LRRTM4: variants seen among roughly 807,000 people sequenced by gnomAD.
LRRTM4 encodes the protein leucine rich repeat transmembrane neuronal 4.
A neutral mutation model predicts 47.6 loss-of-function variants in LRRTM4; 25 were observed. The ratio of observed to expected loss-of-function variants is 0.53; its 90% CI spans 0.38 to 0.73. The LOEUF (loss-of-function observed/expected upper bound fraction) is 0.73, where lower values mean the gene tolerates loss of function less well. LRRTM4 is among the 30% of genes least tolerant of loss of function. The probability of loss-of-function intolerance (pLI) is 0.00; values close to 1 mark genes in which losing one functional copy is unlikely to be tolerated. For synonymous variants in LRRTM4, 311 were observed against 269.5 expected (o/e 1.15, Z -1.51); for missense variants, 638 against 713.4 (o/e 0.89, Z 1.20).
intron 3 of LRRTM4, among the ~76,000 whole-genome samples, chr2:77,337,175 T>C (rs559968455): frequency 6.6e-6 from 1 of 152,120 alleles, no homozygotes; most frequent in African/African-American, 2.4e-5. Context: ...GAGGTGAAAG[T>C]TATCTTCGAA....
chr2:77,238,264 C>T (rs1443792691), intron 3 of LRRTM4, among the ~76,000 whole-genome samples: 5 of 151,860 alleles, frequency 3.3e-5, no homozygotes, highest in African/African-American at 7.3e-5. Flanking sequence ...CTCTAATATA[C>T]AAATAAAATG....
chr2:76,987,310 T>G (rs1279442751), intron 3 of LRRTM4: 1 of 147,774 alleles, frequency 6.8e-6, no homozygotes, highest in East Asian at 2.0e-4. Context: ...AAGTGCACAC[T>G]TTTCAGGATT....
intron 3 of LRRTM4, among the ~76,000 whole-genome samples, chr2:77,360,790 A>G (rs1021647034): frequency 6.6e-6 from 1 of 152,172 alleles, no homozygotes; most frequent in African/African-American, 2.4e-5. Context: ...AATTTTTAAT[A>G]GTCACTATTG....
At chr2:77,185,496 T>C (rs905655503) in intron 3 of LRRTM4, among the ~76,000 whole-genome samples, 1 of 152,078 alleles carries the variant, frequency 6.6e-6, no homozygotes, top group African/African-American at 2.4e-5. Flanking sequence ...AGAGTATAAT[T>C]TATATTTTAC....
At chr2:76,817,945 T>G (rs2103847836) in intron 3 of LRRTM4, among the ~76,000 whole-genome samples, 1 of 152,040 alleles carries the variant, frequency 6.6e-6, no homozygotes, top group South Asian at 2.1e-4. Context: ...TCATATAAGA[T>G]AATCATGTTG....
chr2:77,009,752 A>C (rs1243997100), intron 3 of LRRTM4: 1 of 152,098 alleles, frequency 6.6e-6, no homozygotes, highest in Non-Finnish European at 1.5e-5. Flanking sequence ...TATTTGTTGT[A>C]CTAAGCACAC....
At chr2:77,158,157 C>T (rs1175052314) in intron 3 of LRRTM4, among the ~76,000 whole-genome samples, 1 of 152,088 alleles carries the variant, frequency 6.6e-6, no homozygotes, top group African/African-American at 2.4e-5. Flanking sequence ...TGGCCAACTT[C>T]TCTCTCGAAC....
At chr2:76,893,220 A>C (rs1376732127) in intron 3 of LRRTM4, among the ~76,000 whole-genome samples, 1 of 151,662 alleles carries the variant, frequency 6.6e-6, no homozygotes, top group Non-Finnish European at 1.5e-5. Flanking sequence ...AGATGCTCAC[A>C]CTTGATCTTT....
chr2:77,269,940 C>A (rs985398112), intron 3 of LRRTM4, among the ~76,000 whole-genome samples: 2 of 152,218 alleles, frequency 1.3e-5, no homozygotes, highest in Non-Finnish European at 2.9e-5. Context: ...GTAACATAGG[C>A]ACTTTCATGG....
intron 3 of LRRTM4, among the ~76,000 whole-genome samples, chr2:77,327,147 C>T (rs1028016772): frequency 1.8e-4 from 27 of 152,080 alleles, no homozygotes; most frequent in South Asian, 2.1e-4. Context: ...AAAAGGATAG[C>T]GGTCAAGCTA....
At chr2:77,470,178 G>A (rs545807518) in intron 3 of LRRTM4, among the ~76,000 whole-genome samples, 1 of 152,174 alleles carries the variant, frequency 6.6e-6, no homozygotes, top group East Asian at 1.9e-4. Context: ...AGGCAGATAA[G>A]CTGTGCCTAT....
chr2:76,851,763 T>C (rs890311238), intron 3 of LRRTM4, among the ~76,000 whole-genome samples: 1 of 150,898 alleles, frequency 6.6e-6, no homozygotes, highest in Non-Finnish European at 1.5e-5. Flanking sequence ...TCGTTTTTTT[T>C]TTTTTTTTTT....
chr2:76,953,328 T>G (rs1573361908), intron 3 of LRRTM4, among the ~76,000 whole-genome samples: 1 of 151,744 alleles, frequency 6.6e-6, no homozygotes, highest in African/African-American at 2.4e-5. Flanking sequence ...ATGAGAACTT[T>G]AGAAATCAGT....
At chr2:77,175,566 C>G (rs1190728604) in intron 3 of LRRTM4, among the ~76,000 whole-genome samples, 1 of 152,100 alleles carries the variant, frequency 6.6e-6, no homozygotes, top group Non-Finnish European at 1.5e-5. Context: ...AAATGCTAAA[C>G]TATCACAGCT....
chr2:77,193,163 ATACAGTAACAGGCTG>A (rs1352942619), intron 3 of LRRTM4, among the ~76,000 whole-genome samples: 1 of 152,178 alleles, frequency 6.6e-6, no homozygotes, highest in Non-Finnish European at 1.5e-5. Context: ...ACAGTATTTA[ATACAGTAACAGGCTG>A]TACAGGTTTG....
chr2:77,290,035 T>G (rs1040352219), intron 3 of LRRTM4, among the ~76,000 whole-genome samples: 2 of 152,018 alleles, frequency 1.3e-5, no homozygotes, highest in African/African-American at 4.8e-5. Flanking sequence ...TTTAATACTT[T>G]ATAAGCAATC....
At chr2:77,509,016 G>A (rs556575945) in intron 3 of LRRTM4, among the ~76,000 whole-genome samples, 4 of 152,144 alleles carry the variant, frequency 2.6e-5, no homozygotes, top group Non-Finnish European at 2.9e-5. Flanking sequence ...CAGATCACCC[G>A]AAGTCAGGAG....
chr2:77,326,687 T>C (rs1670788616), intron 3 of LRRTM4, among the ~76,000 whole-genome samples: 1 of 152,188 alleles, frequency 6.6e-6, no homozygotes, highest in Non-Finnish European at 1.5e-5. Flanking sequence ...TGAAGGACTG[T>C]ACTCTGCCTC....
chr2:77,175,192 C>G (rs371471799), intron 3 of LRRTM4, among the ~76,000 whole-genome samples: 1 of 151,776 alleles, frequency 6.6e-6, no homozygotes, highest in South Asian at 2.1e-4. Context: ...GCCTCAGCCT[C>G]CAGAATAGCT....
Sources: allele counts gnomAD v4.1 joint callset (sites outside exome capture counted in the v4.1 genomes callset), GRCh38; gene constraint gnomAD v4.1.1; transcripts MANE v1.5; gene names NCBI Gene and HGNC (gene_info 2026-07-23, HGNC 2026-07-21).